Variants in DOK6 observed in about 807,000 individuals in gnomAD.
The protein encoded by DOK6 is downstream of tyrosine kinase 6.
A neutral mutation model predicts 44.0 loss-of-function variants in DOK6; 22 were observed. The observed-to-expected ratio is 0.50, with a 90% CI of 0.36 to 0.71. The LOEUF is 0.71. DOK6 is among the 30% of genes least tolerant of loss of function. The probability of loss-of-function intolerance (pLI) is 0.00; values close to 1 mark genes in which losing one functional copy is unlikely to be tolerated. For missense variants in DOK6, 340 were observed against 416.4 expected (o/e 0.82, Z 1.60); for synonymous variants, 166 against 145.5 (o/e 1.14, Z -1.01).
At chr18:69,439,338 G>A (rs1231375614) in intron 1 of DOK6, among the ~76,000 whole-genome samples, 2 of 152,120 alleles carry the variant, frequency 1.3e-5, no homozygotes, top group African/African-American at 4.8e-5. Context: ...AATGAGCATT[G>A]GCTGCAACTT....
chr18:69,807,857 A>G (rs1981100027), intron 7 of DOK6, among the ~76,000 whole-genome samples: 1 of 151,874 alleles, frequency 6.6e-6, no homozygotes, highest in African/African-American at 2.4e-5. Flanking sequence ...AGAGACTGCA[A>G]TATCTTACTT....
chr18:69,813,771 T>C (rs1263668999), intron 7 of DOK6, among the ~76,000 whole-genome samples: 1 of 152,020 alleles, frequency 6.6e-6, no homozygotes, highest in Non-Finnish European at 1.5e-5. Context: ...AAACTAGGAA[T>C]TGGGCAATCT....
intron 3 of DOK6, among the ~76,000 whole-genome samples, chr18:69,620,608 G>C (rs1984417700): frequency 6.6e-6 from 1 of 152,114 alleles, no homozygotes; most frequent in Non-Finnish European, 1.5e-5. Flanking sequence ...TGGGGCCATA[G>C]CAATCCCACC....
chr18:69,807,468 A>G (rs1981086700), intron 7 of DOK6, among the ~76,000 whole-genome samples: 1 of 151,948 alleles, frequency 6.6e-6, no homozygotes, highest in South Asian at 2.1e-4. Context: ...GAATGAAAAT[A>G]GATTAAAATT....
intron 5 of DOK6, among the ~76,000 whole-genome samples, chr18:69,721,131 A>T (rs1276830381): frequency 2.6e-5 from 4 of 152,232 alleles, no homozygotes; most frequent in South Asian, 2.1e-4. Flanking sequence ...TACAAATGTT[A>T]GATGAAAGGT....
At chr18:69,745,178 T>C (rs903044358) in intron 6 of DOK6, among the ~76,000 whole-genome samples, 3 of 152,200 alleles carry the variant, frequency 2.0e-5, no homozygotes, top group Non-Finnish European at 4.4e-5. Flanking sequence ...TATGTACATG[T>C]ATGTACTTCT....
chr18:69,755,297 T>A (rs990089508), intron 6 of DOK6, among the ~76,000 whole-genome samples: 1 of 152,082 alleles, frequency 6.6e-6, no homozygotes, highest in Non-Finnish European at 1.5e-5. Flanking sequence ...CTGACCACAT[T>A]TGGGAAGAAA....
In DOK6 at chr18:69,848,117, T is replaced by C. The variant is rs1000432755; in HGVS notation, c.*6734T>C. On this transcript the variant is annotated 3_prime_UTR_variant, in exon 8 of 8. Transcript: ENST00000382713. ...TCCACTGAAGTTATCTTTTCCTTAATAGATTCACACAGAATTACCCCATCC... is the reference window on the plus strand; with the variant it reads ...TCCACTGAAGTTATCTTTTCCTTAACAGATTCACACAGAATTACCCCATCC... The C allele has an allele frequency of 2.0e-5, 3 of 152,028 alleles. No individual in the cohort carries two copies. The highest frequency in any genetic ancestry group is 7.2e-5 in the African/African-American group (3 of 41,398). The allele number at this position is 152,028 out of a possible 1,614,324, so 9.4% of individuals were successfully genotyped here.
chr18:69,483,077 T>A (rs1218699898), intron 1 of DOK6, among the ~76,000 whole-genome samples: 1 of 151,894 alleles, frequency 6.6e-6, no homozygotes, highest in Admixed American at 6.6e-5. Context: ...GTGTGTATTG[T>A]ACTCTATGTG....
chr18:69,584,925 C>T (rs1317222113), intron 2 of DOK6, among the ~76,000 whole-genome samples: 1 of 151,918 alleles, frequency 6.6e-6, no homozygotes, highest in South Asian at 2.1e-4. Flanking sequence ...TTCCCCTTTT[C>T]ATCCTGTACT....
chr18:69,586,084 G>C (rs1983492579), intron 2 of DOK6, among the ~76,000 whole-genome samples: 1 of 152,204 alleles, frequency 6.6e-6, no homozygotes, highest in South Asian at 2.1e-4. Context: ...CCAGCTGTCA[G>C]ATGTGTGCAG....
chr18:69,509,661 A>ACCT (rs1981308911), intron 1 of DOK6, among the ~76,000 whole-genome samples: 1 of 118,296 alleles, frequency 8.5e-6, no homozygotes, highest in Non-Finnish European at 2.1e-5. Flanking sequence ...AAAAAAAAAA[A>ACCT]AACACACAAG....
chr18:69,567,156 C>T (rs1448996944), intron 2 of DOK6, among the ~76,000 whole-genome samples: 3 of 152,180 alleles, frequency 2.0e-5, no homozygotes, highest in Non-Finnish European at 4.4e-5. Flanking sequence ...AACTCCAACT[C>T]ATTAACATCA....
At chr18:69,613,679 T>A (rs1984216587) in intron 3 of DOK6, among the ~76,000 whole-genome samples, 1 of 152,146 alleles carries the variant, frequency 6.6e-6, no homozygotes, top group Non-Finnish European at 1.5e-5. Context: ...AAAAAGAGTA[T>A]AACTGTGTCA....
chr18:69,575,833 C>T (rs1983225678), intron 2 of DOK6, among the ~76,000 whole-genome samples: 1 of 151,958 alleles, frequency 6.6e-6, no homozygotes, highest in African/African-American at 2.4e-5. Flanking sequence ...TTATTGGAGG[C>T]CATGGGTGTT....
At chr18:69,691,430 A>C (rs1480190859) in intron 4 of DOK6, among the ~76,000 whole-genome samples, 2 of 130,096 alleles carry the variant, frequency 1.5e-5, no homozygotes, top group Non-Finnish European at 3.4e-5. Flanking sequence ...CTACTTGTAG[A>C]ATTTGGGTTG....
chr18:69,624,663 G>T (rs1021946164), intron 3 of DOK6, among the ~76,000 whole-genome samples: 13 of 152,062 alleles, frequency 8.5e-5, no homozygotes, highest in East Asian at 5.8e-4. Flanking sequence ...CCAGATTTTT[G>T]AATTAATTAA....
At chr18:69,801,860 A>G (rs1980914282) in intron 7 of DOK6, among the ~76,000 whole-genome samples, 1 of 152,166 alleles carries the variant, frequency 6.6e-6, no homozygotes, top group Non-Finnish European at 1.5e-5. Flanking sequence ...GTTCTTGCAG[A>G]GTGTTGAGTA....
chr18:69,826,725 AT>A (rs780540852), intron 7 of DOK6, among the ~76,000 whole-genome samples: 1 of 152,220 alleles, frequency 6.6e-6, no homozygotes, highest in Non-Finnish European at 1.5e-5. Flanking sequence ...TAGATTTCAG[AT>A]TTCTAGGCTC....
Sources: gnomAD v4.1 joint callset for allele counts (sites outside exome capture counted in the v4.1 genomes callset) on GRCh38, gnomAD v4.1.1 for gene constraint, MANE v1.5 for transcripts, NCBI Gene and HGNC (gene_info 2026-07-23, HGNC 2026-07-21) for gene names.